Variants in FOXP1 observed in about 807,000 individuals in gnomAD.
FOXP1 encodes the protein forkhead box P1, also known as forkhead box protein P1.
FOXP1 carries 15 observed loss-of-function variants against 98.2 expected under a neutral mutation model. The observed-to-expected ratio is 0.15, with a 90% CI of 0.10 to 0.24. The LOEUF is 0.24. Among genes scored for constraint, FOXP1 ranks in the 10% least tolerant of loss-of-function variants. FOXP1 has a pLI of 1.00. For missense variants in FOXP1, 633 were observed against 848.5 expected (o/e 0.75, Z 3.15); for synonymous variants, 371 against 314.5 (o/e 1.18, Z -1.90).
At chr3:71,131,002 T>A in intron 6 of FOXP1, 1 of 852,936 alleles carries the variant, frequency 1.2e-6, no homozygotes, top group Non-Finnish European at 1.4e-6. Context: ...GGAAACCTGC[T>A]CTTGAGATAT....
chr3:71,079,328 TTAAG>T (rs2107507901), intron 7 of FOXP1, among the ~76,000 whole-genome samples: 1 of 152,276 alleles, frequency 6.6e-6, no homozygotes, highest in African/African-American at 2.4e-5. Context: ...TGAACTGCTG[TTAAG>T]TTAGAGCTCT....
intron 18 of FOXP1, chr3:70,972,074 T>C (rs2036385234): frequency 5.9e-6 from 9 of 1,520,190 alleles, no homozygotes; most frequent in Non-Finnish European, 7.9e-6. Flanking sequence ...TCGTTGAATA[T>C]GGCGGCCACG....
chr3:71,237,673 T>A (rs575504287), intron 5 of FOXP1, among the ~76,000 whole-genome samples: 1 of 152,352 alleles, frequency 6.6e-6, no homozygotes, highest in African/African-American at 2.4e-5. Flanking sequence ...TACTGCTTTC[T>A]CTACATGTGG....
rs146267571 is a variant in FOXP1, at chr3:71,265,747, G to C, written c.-12+34073C>G. Among the ~76,000 whole-genome samples the C allele has an allele frequency of 3.1e-3, 476 of 152,258 alleles. 1 individual carries two copies. Among genetic ancestry groups the C allele is most frequent in the African/African-American group, 0.011 (457 of 41,528 alleles). On this transcript the variant is annotated intron_variant, in intron 5 of 20. Transcript: ENST00000649528. The stretch of plus-strand genomic sequence containing the variant: ...AACAGGCATGGGCACATGACGCGCT[G>C]GACCGACTCCAAAAGAACTGATAAG...
intron 11 of FOXP1, among the ~76,000 whole-genome samples, chr3:71,028,793 C>T (rs553671271): frequency 2.0e-5 from 3 of 152,310 alleles, no homozygotes; most frequent in Non-Finnish European, 4.4e-5. Flanking sequence ...TATTTTCCTA[C>T]AAATATAGAC....
chr3:71,208,949 A>C (rs2064254703), intron 5 of FOXP1, among the ~76,000 whole-genome samples: 1 of 152,222 alleles, frequency 6.6e-6, no homozygotes, highest in Non-Finnish European at 1.5e-5. Context: ...ATGAAATCAA[A>C]CCGGTTGGAG....
chr3:71,178,424 G>T (rs921479473), intron 6 of FOXP1, among the ~76,000 whole-genome samples: 2 of 151,902 alleles, frequency 1.3e-5, no homozygotes, highest in Admixed American at 1.3e-4. Context: ...GTGAGCCATC[G>T]CGCCCGGCCA....
chr3:70,987,979 G>C lies in FOXP1; in HGVS notation c.1146+15C>G, dbSNP rs2040025646. 1.2e-6 allele frequency: 2 copies of C among 1,612,330 alleles called. No individual in the cohort carries two copies. The highest frequency in any genetic ancestry group is 3.3e-5 in the Admixed American group (2 of 59,992). On this transcript the variant is annotated intron_variant, in intron 14 of 20. Transcript: ENST00000649528. ...GAGTTTTGTTTTTTTCCCCTTGGTG[G>C]GGATCAATACTTACGGGCTGAGGGG...
At chr3:71,363,352 G>A (rs902802832) in intron 3 of FOXP1, among the ~76,000 whole-genome samples, 1 of 152,114 alleles carries the variant, frequency 6.6e-6, no homozygotes, top group Admixed American at 6.5e-5. Flanking sequence ...ATAAATTTGA[G>A]TACACGTAGA....
At position 71,171,443 on chromosome 3, in the gene FOXP1, C is replaced by T. The variant is rs567967002; in HGVS notation, c.180+26759G>A. Among the ~76,000 whole-genome samples, 5 of 152,308 alleles carry T rather than the reference C, an allele frequency of 3.3e-5. No homozygotes were observed. In the East Asian group the frequency reaches 9.6e-4, roughly 29 times the overall value. The stretch of plus-strand genomic sequence containing the variant: ...AAGAGAGCGTGCTAACAAATGCAAT[C>T]CCGTAAACAGGCATTTTTCCTCTTG... On this transcript the variant is annotated intron_variant, in intron 6 of 20. Transcript: ENST00000649528.
intron 15 of FOXP1, 26 bp downstream of exon 15, chr3:70,977,802 C>T (rs372660817): frequency 8.5e-5 from 137 of 1,612,936 alleles, no homozygotes; most frequent in African/African-American, 1.1e-4. Context: ...TACAACTCTA[C>T]GTGAGGCAAA....
intron 3 of FOXP1, among the ~76,000 whole-genome samples, chr3:71,371,395 A>T (rs538717008): frequency 6.6e-6 from 1 of 152,242 alleles, no homozygotes; most frequent in South Asian, 2.1e-4. Flanking sequence ...TACTCTCAAG[A>T]ACACACCTGA....
At chr3:71,160,743 T>C (rs1046838578) in intron 6 of FOXP1, among the ~76,000 whole-genome samples, 2 of 152,216 alleles carry the variant, frequency 1.3e-5, no homozygotes, top group Admixed American at 6.5e-5. Context: ...CAGCATTTTA[T>C]TGGGCATCTG....
At chr3:71,032,801 A>G (rs1180443662) in intron 11 of FOXP1, among the ~76,000 whole-genome samples, 1 of 152,182 alleles carries the variant, frequency 6.6e-6, no homozygotes, top group African/African-American at 2.4e-5. Flanking sequence ...TGGCTCCAGT[A>G]TTGGCTTAAG....
chr3:71,001,866 A>G (rs1444342629), intron 12 of FOXP1, among the ~76,000 whole-genome samples: 2 of 152,218 alleles, frequency 1.3e-5, no homozygotes, highest in African/African-American at 4.8e-5. Context: ...ATGTCTCTAC[A>G]TTACTCAGTC....
At position 71,410,307 on chromosome 3, in the gene FOXP1, C is replaced by T. The variant is rs116857460; in HGVS notation, c.-167-51063G>A. 1.7e-4 allele frequency among the ~76,000 whole-genome samples: 26 copies of T among 152,318 alleles called. No individual in the cohort carries two copies. In the East Asian group the frequency reaches 4.8e-3, roughly 28 times the overall value. ...ATCAGAGATCTTTTGATATTTTTTA[C>T]TGAATCAACTGCCCACAATTTTTTT... On this transcript the variant is annotated intron_variant, in intron 3 of 20. Transcript: ENST00000649528.
intron 3 of FOXP1, among the ~76,000 whole-genome samples, chr3:71,437,059 G>A (rs1228804573): frequency 6.6e-6 from 1 of 152,130 alleles, no homozygotes; most frequent in African/African-American, 2.4e-5. Flanking sequence ...AAAACAGAAA[G>A]CTGGCATTAA....
chr3:71,275,914 G>C (rs937964385), intron 5 of FOXP1, among the ~76,000 whole-genome samples: 5 of 151,736 alleles, frequency 3.3e-5, no homozygotes, highest in Non-Finnish European at 5.9e-5. Context: ...CATTCTTTTA[G>C]CCTGTTTTCC....
intron 3 of FOXP1, among the ~76,000 whole-genome samples, chr3:71,463,783 G>T (rs1452764984): frequency 6.6e-6 from 1 of 152,110 alleles, no homozygotes; most frequent in African/African-American, 2.4e-5. Context: ...GGTTTTGTCT[G>T]GCTACTCTTG....
Sources: gnomAD v4.1 joint callset for allele counts (sites outside exome capture counted in the v4.1 genomes callset) on GRCh38, gnomAD v4.1.1 for gene constraint, MANE v1.5 for transcripts, NCBI Gene and HGNC (gene_info 2026-07-23, HGNC 2026-07-21) for gene names.